The following SLC37A1 variants were observed in gnomAD, a reference collection of about 807,000 sequenced individuals.
SLC37A1 encodes glucose-6-phosphate exchanger SLC37A1.
In SLC37A1, 49 loss-of-function variants were observed where a neutral mutation model predicts 75.3. That is an observed-to-expected ratio of 0.65 (90% CI 0.52 to 0.83). The LOEUF (loss-of-function observed/expected upper bound fraction) is 0.83. Among genes scored for constraint, SLC37A1 ranks in the 40% least tolerant of loss-of-function variants. The probability of loss-of-function intolerance (pLI) is 0.00; values close to 1 mark genes in which losing one functional copy is unlikely to be tolerated. For missense variants in SLC37A1, 566 were observed against 695.0 expected (o/e 0.81, Z 2.09); for synonymous variants, 268 against 292.1 (o/e 0.92, Z 0.84).
chr21:42,513,716 C>T (rs1193332755), upstream of SLC37A1, among the ~76,000 whole-genome samples: 1 of 149,146 alleles, frequency 6.7e-6, no homozygotes, highest in Non-Finnish European at 1.5e-5. Context: ...GCTGGTGCGA[C>T]CCTGGGCACG....
chr21:42,572,659 T>A (rs2056207394), intron 17 of SLC37A1, among the ~76,000 whole-genome samples: 1 of 110,588 alleles, frequency 9.0e-6, no homozygotes, highest in Non-Finnish European at 1.8e-5. Context: ...TGATAACAGG[T>A]TTTCAGCCAC....
At position 42,580,581 on chromosome 21, in the gene SLC37A1, C is replaced by A; in HGVS notation, c.*221C>A. ...GAGAAAAGTCTGCAGGAACTGCTGC[C>A]TGAGCCAAGCCAGAGAACCGAAGAC... On this transcript the variant is annotated 3_prime_UTR_variant, in exon 20 of 20. Coordinates refer to ENST00000352133, the MANE Select transcript of SLC37A1 (RefSeq NM_001320537.2). 1 of 552,008 alleles carries A rather than the reference C, an allele frequency of 1.8e-6. No homozygotes were observed. Among genetic ancestry groups the A allele is most frequent in the Non-Finnish European group, 3.2e-6 (1 of 315,934 alleles). 34.2% of individuals were successfully genotyped at this position (552,008 alleles called of 1,614,324 possible).
rs553949418 is a variant in SLC37A1, at chr21:42,545,383, C to T, written c.731-1720C>T. Among the ~76,000 whole-genome samples the T allele has an allele frequency of 5.3e-5, 8 of 152,346 alleles. No homozygotes were observed. In the South Asian group the frequency reaches 1.7e-3, roughly 32 times the overall value. On this transcript the variant is annotated intron_variant, in intron 8 of 19. Transcript: ENST00000352133. The surrounding 1 kb of genome is among the most constrained non-coding windows in gnomAD (Gnocchi z 4.0). The stretch of plus-strand genomic sequence containing the variant: ...GAGCTCTTTGCAGATAGGGAGGAAA[C>T]ATCAAGTGCCCCTTGGTTTGTTTCT...
chr21:42,518,573 G>A (rs2054568896), intron 2 of SLC37A1, 63 bp downstream of exon 2: 12 of 1,566,710 alleles, frequency 7.7e-6, no homozygotes, highest in South Asian at 2.2e-5. Context: ...TACTGTGCAG[G>A]TAGTTGTGTT....
At chr21:42,500,854 A>G (rs2054335207) in intron 1 of SLC37A1, among the ~76,000 whole-genome samples, 1 of 152,222 alleles carries the variant, frequency 6.6e-6, no homozygotes, top group Non-Finnish European at 1.5e-5. Flanking sequence ...TGTCTCATAA[A>G]ATTGGCACCC....
At chr21:42,523,985 G>A (rs2054716588) in intron 2 of SLC37A1, among the ~76,000 whole-genome samples, 1 of 152,068 alleles carries the variant, frequency 6.6e-6, no homozygotes, top group African/African-American at 2.4e-5. Flanking sequence ...GGGATCCTAG[G>A]ATTTTAGTTA....
intron 18 of SLC37A1, among the ~76,000 whole-genome samples, chr21:42,578,014 T>G (rs954739639): frequency 3.3e-5 from 5 of 152,236 alleles, no homozygotes; most frequent in Admixed American, 6.5e-5. Context: ...GAGTTGGGCT[T>G]TTCAAACCTA....
At chr21:42,519,580 C>T (rs1271551583) in intron 2 of SLC37A1, among the ~76,000 whole-genome samples, 1 of 152,174 alleles carries the variant, frequency 6.6e-6, no homozygotes, top group African/African-American at 2.4e-5. Context: ...GATTTTGATG[C>T]CACAGCGGCA....
chr21:42,539,938 T>G (rs550691177), intron 6 of SLC37A1, among the ~76,000 whole-genome samples: 15 of 152,198 alleles, frequency 9.9e-5, no homozygotes, highest in Non-Finnish European at 1.8e-4. Context: ...TCTGTCTTCA[T>G]GTGGATAAGT....
At chr21:42,567,440 T>A (rs2839554) in intron 16 of SLC37A1, among the ~76,000 whole-genome samples, 13,716 of 152,254 alleles carry the variant, frequency 0.09, 866 homozygotes, top group Non-Finnish European at 0.13. Flanking sequence ...CCTGCCTTGG[T>A]CACCTTTGTA....
Position 42,517,645 on chromosome 21 carries a change from G to T in SLC37A1, c.-178-632G>T, listed in dbSNP as rs144624089. ...TGCTGGGCCCCTTCTCAGTTCTCTG[G>T]CCTCCCTCCCCATTCCTTCCTATAT... On this transcript the variant is annotated intron_variant, in intron 1 of 19. Coordinates refer to ENST00000352133, the MANE Select transcript of SLC37A1 (RefSeq NM_001320537.2). 2.3e-3 allele frequency among the ~76,000 whole-genome samples: 350 copies of T among 152,208 alleles called. 3 individuals are homozygous for T. Among genetic ancestry groups the T allele is most frequent in the African/African-American group, 7.7e-3 (321 of 41,516 alleles).
At chr21:42,564,879 C>T in intron 14 of SLC37A1, 86 bp downstream of exon 14, 2 of 1,297,784 alleles carry the variant, frequency 1.5e-6, no homozygotes, top group Non-Finnish European at 2.2e-6. Context: ...TTCCATCTGG[C>T]CCGTGCTCCA....
intron 18 of SLC37A1, among the ~76,000 whole-genome samples, chr21:42,579,143 C>T (rs1185710546): frequency 6.6e-6 from 1 of 152,238 alleles, no homozygotes; most frequent in Non-Finnish European, 1.5e-5. Flanking sequence ...GGAGTTAAAG[C>T]TCTGGGTCCG....
intron 2 of SLC37A1, among the ~76,000 whole-genome samples, chr21:42,506,042 T>C (rs1310424344): frequency 6.6e-6 from 1 of 152,222 alleles, no homozygotes; most frequent in Non-Finnish European, 1.5e-5. Context: ...AAGTGGAGGC[T>C]GGGCAGGCAG....
At chr21:42,576,672 C>T (rs1036938894) in intron 18 of SLC37A1, among the ~76,000 whole-genome samples, 4 of 152,022 alleles carry the variant, frequency 2.6e-5, no homozygotes, top group African/African-American at 7.3e-5. Flanking sequence ...AAAAAAAGAA[C>T]AAGACACTAT....
intron 2 of SLC37A1, among the ~76,000 whole-genome samples, chr21:42,505,987 T>G (rs998220885): frequency 6.6e-6 from 1 of 152,186 alleles, no homozygotes; most frequent in African/African-American, 2.4e-5. Flanking sequence ...ACAAATTGGT[T>G]GAATGTTCCC....
At chr21:42,504,355 G>A (rs1283823911) in intron 2 of SLC37A1, among the ~76,000 whole-genome samples, 1 of 152,082 alleles carries the variant, frequency 6.6e-6, no homozygotes, top group African/African-American at 2.4e-5. Flanking sequence ...GAGTGAAGAG[G>A]CAGCTTGGCT....
intron 2 of SLC37A1, among the ~76,000 whole-genome samples, chr21:42,523,883 A>G (rs1463035915): frequency 2.1e-5 from 3 of 140,112 alleles, no homozygotes; most frequent in Non-Finnish European, 3.0e-5. Context: ...TTTCTTTCCC[A>G]CCTGAAATAT....
rs1019050529 is a variant in SLC37A1, at chr21:42,518,335, C to T, written c.-120C>T. ...GACCCAGCAGGACACCTTCTTTCCA[C>T]GCTTTCCAGCCTGTGGGAGCGGCAG... On this transcript the variant is annotated 5_prime_UTR_variant, in exon 2 of 20. It adds an upstream start codon to the 5' untranslated region. Transcript: ENST00000352133. 2.1e-5 allele frequency: 27 copies of T among 1,308,956 alleles called. No individual in the cohort carries two copies. Among genetic ancestry groups the T allele is most frequent in the East Asian group, 4.7e-5 (2 of 42,664 alleles). 81.1% of individuals were successfully genotyped at this position (1,308,956 alleles called of 1,614,324 possible). A position where few individuals can be genotyped will look rare whatever the true frequency, so the allele number is the denominator to read the frequency against.
Sources: allele counts gnomAD v4.1 joint callset (sites outside exome capture counted in the v4.1 genomes callset), GRCh38; gene constraint gnomAD v4.1.1; non-coding constraint Gnocchi (gnomAD v3.1); transcripts MANE v1.5; gene names NCBI Gene and HGNC (gene_info 2026-07-23, HGNC 2026-07-21).